The following CLCN5 variants were observed in gnomAD, a reference collection of about 807,000 sequenced individuals.
CLCN5 encodes Cl-/H+ antiporter 5.
CLCN5 carries 17 observed loss-of-function variants against 54.0 expected under a neutral mutation model. The observed-to-expected ratio is 0.31, with a 90% CI of 0.22 to 0.47. The LOEUF (loss-of-function observed/expected upper bound fraction) is 0.47, where lower values mean the gene tolerates loss of function less well. Among genes scored for constraint, CLCN5 ranks in the 20% least tolerant of loss-of-function variants. The pLI is 1.00. For missense variants in CLCN5, 448 were observed against 646.7 expected, an observed-to-expected ratio of 0.69 and a Z score of 3.33; for synonymous variants, 222 against 233.0, an observed-to-expected ratio of 0.95 and a Z score of 0.43.
intron 3 of CLCN5, among the ~76,000 whole-genome samples, chrX:49,965,923 T>A (rs1557175383): frequency 1.8e-5 from 2 of 112,394 alleles, no homozygotes; most frequent in African/African-American, 6.5e-5. Flanking sequence ...TTTTCAAATG[T>A]TAAATCAACC....
intron 3 of CLCN5, among the ~76,000 whole-genome samples, chrX:50,023,515 G>T (rs1931221880): frequency 4.3e-5 from 1 of 23,184 alleles, no homozygotes; most frequent in Non-Finnish European, 6.2e-5. Context: ...ATTTGATCCT[G>T]TCATTATGAT....
chrX:49,939,105 T>G (rs1926172012), intron 3 of CLCN5, among the ~76,000 whole-genome samples: 1 of 111,652 alleles, frequency 9.0e-6, no homozygotes, highest in African/African-American at 3.3e-5. Context: ...CTCACACCAG[T>G]TAGAATGGCA....
intron 3 of CLCN5, among the ~76,000 whole-genome samples, chrX:49,945,615 T>G (rs1042314220): frequency 2.4e-4 from 25 of 102,189 alleles, no homozygotes; most frequent in Non-Finnish European, 4.8e-4. Context: ...TTTTTTTTTT[T>G]TTTTTTTTTT....
intron 3 of CLCN5, among the ~76,000 whole-genome samples, chrX:49,991,553 A>G (rs1053402601): frequency 4.6e-4 from 51 of 111,868 alleles, no homozygotes; most frequent in African/African-American, 1.6e-3. Context: ...TTTTAGTTTA[A>G]TTAAGTCCCA....
chrX:50,006,978 C>T (rs1557181472), intron 3 of CLCN5, among the ~76,000 whole-genome samples: 1 of 111,247 alleles, frequency 9.0e-6, no homozygotes, highest in African/African-American at 3.3e-5. Flanking sequence ...CCAAGCACCC[C>T]ACCTTGTCCC....
chrX:50,068,860 C>T (rs782263532), intron 4 of CLCN5, among the ~76,000 whole-genome samples: 1 of 112,005 alleles, frequency 8.9e-6, no homozygotes, highest in East Asian at 2.8e-4. Context: ...CCCCAGTGTG[C>T]ATTTGCATAG....
At chrX:50,008,556 C>T (rs1423134105) in intron 3 of CLCN5, 2 of 334,097 alleles carry the variant, frequency 6.0e-6, no homozygotes, top group Non-Finnish European at 1.2e-5. Context: ...GTCCTCCTAT[C>T]ATCCATTCCA....
At chrX:50,054,994 C>T (rs1190989475) in intron 4 of CLCN5, among the ~76,000 whole-genome samples, 1 of 111,141 alleles carries the variant, frequency 9.0e-6, no homozygotes. Context: ...ACAGGTAATC[C>T]AGAGATACTG....
intron 9 of CLCN5, among the ~76,000 whole-genome samples, chrX:50,083,953 A>T (rs1163312577): frequency 1.6e-4 from 18 of 112,244 alleles, no homozygotes; most frequent in Admixed American, 1.4e-3. Context: ...CTAATAAAAT[A>T]AGAGGGGAAT....
At chrX:50,087,479 T>C (rs893294534) in intron 11 of CLCN5, among the ~76,000 whole-genome samples, 1 of 112,115 alleles carries the variant, frequency 8.9e-6, no homozygotes, top group Non-Finnish European at 1.9e-5. Context: ...CGTTTTACTT[T>C]AGGTACCTGT....
intron 3 of CLCN5, among the ~76,000 whole-genome samples, chrX:50,006,977 C>T (rs1051257899): frequency 4.5e-5 from 5 of 111,196 alleles, no homozygotes; most frequent in African/African-American, 1.6e-4. Flanking sequence ...CCCAAGCACC[C>T]CACCTTGTCC....
At chrX:50,025,820 C>T (rs1343577193) in intron 3 of CLCN5, among the ~76,000 whole-genome samples, 21 of 111,417 alleles carry the variant, frequency 1.9e-4, no homozygotes, top group African/African-American at 6.9e-4. Flanking sequence ...TTGATCTTTT[C>T]AACGAGCCAG....
At chrX:50,057,859 C>G (rs1201636383) in intron 4 of CLCN5, among the ~76,000 whole-genome samples, 1 of 110,295 alleles carries the variant, frequency 9.1e-6, no homozygotes, top group Non-Finnish European at 1.9e-5. Flanking sequence ...AATGTACTAT[C>G]AGACAAATAG....
chrX:49,963,324 C>G (rs1354159655), intron 3 of CLCN5, among the ~76,000 whole-genome samples: 4 of 111,337 alleles, frequency 3.6e-5, no homozygotes, highest in Non-Finnish European at 7.5e-5. Context: ...TAATGGAAAA[C>G]TAGTCTAGTC....
chrX:50,023,485 G>T (rs1931219361), intron 3 of CLCN5, among the ~76,000 whole-genome samples: 1 of 14,161 alleles, frequency 7.1e-5, no homozygotes, highest in Non-Finnish European at 1.0e-4. Context: ...TATATTTAAA[G>T]TTAATATTGT....
intron 3 of CLCN5, among the ~76,000 whole-genome samples, chrX:49,961,500 G>A (rs1319003288): frequency 1.8e-5 from 2 of 111,981 alleles, no homozygotes; most frequent in Non-Finnish European, 3.8e-5. Context: ...GTTGAACCCT[G>A]GTCAGCCTGG....
chrX:49,993,411 T>C (rs1929360793), intron 3 of CLCN5, among the ~76,000 whole-genome samples: 1 of 112,139 alleles, frequency 8.9e-6, no homozygotes, highest in Non-Finnish European at 1.9e-5. Flanking sequence ...TGTGCTAAAT[T>C]CCAAAGCCAG....
At chrX:49,966,238 A>AT (rs1250748002) in intron 3 of CLCN5, among the ~76,000 whole-genome samples, 1 of 111,704 alleles carries the variant, frequency 9.0e-6, no homozygotes, top group African/African-American at 3.2e-5. Context: ...TACAAATTCA[A>AT]TTTTTTAATA....
intron 2 of CLCN5, among the ~76,000 whole-genome samples, chrX:49,924,688 G>A (rs1925251881): frequency 8.9e-6 from 1 of 111,914 alleles, no homozygotes; most frequent in Non-Finnish European, 1.9e-5. Flanking sequence ...ACTACTCAAA[G>A]GGTATCATCA....
Sources: allele counts gnomAD v4.1 joint callset (sites outside exome capture counted in the v4.1 genomes callset), GRCh38; gene constraint gnomAD v4.1.1; transcripts MANE v1.5; gene names NCBI Gene and HGNC (gene_info 2026-07-23, HGNC 2026-07-21).